RPRD1A: variants seen among roughly 807,000 people sequenced by gnomAD.
RPRD1A encodes regulation of nuclear pre-mRNA domain containing 1A.
A neutral mutation model predicts 37.8 loss-of-function variants in RPRD1A; 9 were observed. The ratio of observed to expected loss-of-function variants is 0.24; its 90% CI spans 0.14 to 0.42. RPRD1A has a LOEUF of 0.42. RPRD1A is among the 10% of genes least tolerant of loss of function. The pLI is 1.00. For synonymous variants in RPRD1A, 138 were observed against 139.7 expected (o/e 0.99, Z 0.08); for missense variants, 255 against 371.0 (o/e 0.69, Z 2.57).
At chr18:36,057,222 A>C (rs530096857) in intron 1 of RPRD1A, among the ~76,000 whole-genome samples, 3 of 151,990 alleles carry the variant, frequency 2.0e-5, no homozygotes, top group Non-Finnish European at 4.4e-5. Context: ...TCTCTCAAAA[A>C]ACAAGAACAA....
intron 1 of RPRD1A, among the ~76,000 whole-genome samples, chr18:36,054,497 A>G (rs1913625524): frequency 1.3e-5 from 2 of 152,280 alleles, no homozygotes; most frequent in Admixed American, 1.3e-4. Context: ...TCTCAAAATA[A>G]GTAAGTAAGT....
chr18:35,993,438 C>A (rs1908833237), intron 6 of RPRD1A, 138 bp from the exon 7 acceptor site: 1 of 767,814 alleles, frequency 1.3e-6, no homozygotes, highest in Non-Finnish European at 2.0e-6. Context: ...TGAGTTTTCA[C>A]ATCAAAAGAT....
At chr18:35,999,600 ATGC>A (rs1909294734) in intron 6 of RPRD1A, among the ~76,000 whole-genome samples, 2 of 152,108 alleles carry the variant, frequency 1.3e-5, no homozygotes, top group African/African-American at 4.8e-5. Context: ...TTTCTTGCAG[ATGC>A]TGCTAATAAT....
At chr18:36,028,062 T>C (rs1285339675) in intron 4 of RPRD1A, 2 of 152,106 alleles carry the variant, frequency 1.3e-5, no homozygotes, top group Admixed American at 6.5e-5. Context: ...TATAAAGTTA[T>C]TCCAAAGAAA....
intron 2 of RPRD1A, 26 bp from the exon 3 acceptor site, chr18:36,031,123 GA>G: frequency 6.8e-7 from 1 of 1,472,486 alleles, no homozygotes; most frequent in East Asian, 2.5e-5. Context: ...AAGAAAAAAA[GA>G]AAAATGTTAA....
chr18:36,015,235 C>CA (rs1402772504), intron 6 of RPRD1A, among the ~76,000 whole-genome samples: 1 of 139,108 alleles, frequency 7.2e-6, no homozygotes, highest in African/African-American at 2.7e-5. Context: ...TTTTTTGAGA[C>CA]AGAGTCCCAC....
intron 1 of RPRD1A, among the ~76,000 whole-genome samples, chr18:36,034,687 G>A (rs564547764): frequency 6.6e-6 from 1 of 152,292 alleles, no homozygotes; most frequent in East Asian, 1.9e-4. Context: ...GGCATCCATA[G>A]TACAGTGGTG....
intron 6 of RPRD1A, among the ~76,000 whole-genome samples, chr18:36,015,314 G>A (rs1910475144): frequency 6.6e-6 from 1 of 151,402 alleles, no homozygotes; most frequent in South Asian, 2.1e-4. Context: ...CCGGGTTCAA[G>A]TGATTCTCCT....
At chr18:36,042,837 GT>G (rs890757638) in intron 1 of RPRD1A, among the ~76,000 whole-genome samples, 8 of 151,656 alleles carry the variant, frequency 5.3e-5, no homozygotes, top group Non-Finnish European at 1.2e-4. Flanking sequence ...GACACTGGTG[GT>G]TAAATCATAA....
At chr18:36,015,459 C>A (rs1910488073) in intron 6 of RPRD1A, among the ~76,000 whole-genome samples, 1 of 152,134 alleles carries the variant, frequency 6.6e-6, no homozygotes, top group South Asian at 2.1e-4. Context: ...ATAATCCACC[C>A]ACAAAGTACT....
At chr18:36,029,816 T>C (rs1330913631) in intron 4 of RPRD1A, among the ~76,000 whole-genome samples, 2 of 151,924 alleles carry the variant, frequency 1.3e-5, no homozygotes, top group East Asian at 3.9e-4. Context: ...ACTACTTTTT[T>C]TTTTTTTGAG....
intron 1 of RPRD1A, among the ~76,000 whole-genome samples, chr18:36,053,122 A>G (rs982872710): frequency 6.6e-6 from 1 of 152,204 alleles, no homozygotes; most frequent in Non-Finnish European, 1.5e-5. Flanking sequence ...GAAAAAGTAT[A>G]TAAAAGCACA....
At chr18:36,030,935 G>T (rs1323823589) in intron 3 of RPRD1A, 30 bp from the exon 4 acceptor site, 1 of 1,599,054 alleles carries the variant, frequency 6.3e-7, no homozygotes, top group Non-Finnish European at 8.5e-7. Context: ...AAGTATTAAT[G>T]AAAGAATACA....
chr18:36,052,179 C>T (rs1043513798), intron 1 of RPRD1A, among the ~76,000 whole-genome samples: 3 of 139,458 alleles, frequency 2.2e-5, no homozygotes, highest in Middle Eastern at 4.0e-3. Context: ...AAACTGTCAA[C>T]CAAGATTTTA....
chr18:36,056,774 C>G (rs1216252173), intron 1 of RPRD1A, among the ~76,000 whole-genome samples: 3 of 151,864 alleles, frequency 2.0e-5, no homozygotes, highest in Admixed American at 2.0e-4. Flanking sequence ...GAACAGGCAC[C>G]TTAGAACAGC....
intron 6 of RPRD1A, among the ~76,000 whole-genome samples, chr18:35,997,685 C>T (rs1276168059): frequency 6.6e-6 from 1 of 152,182 alleles, no homozygotes. Flanking sequence ...CTCTTCTTTC[C>T]ATCTTACCCA....
intron 6 of RPRD1A, among the ~76,000 whole-genome samples, chr18:36,023,901 A>G (rs1290077848): frequency 6.6e-6 from 1 of 152,258 alleles, no homozygotes; most frequent in Non-Finnish European, 1.5e-5. Context: ...TGTAATTGTA[A>G]TACTTAGACA....
chr18:36,046,808 C>T lies in RPRD1A; in HGVS notation c.152-12971G>A, dbSNP rs1486692374. Among the ~76,000 whole-genome samples the T allele has an allele frequency of 1.3e-5, 2 of 151,174 alleles. 1 individual carries two copies. The highest frequency in any genetic ancestry group is 4.9e-5 in the African/African-American group (2 of 41,094). On this transcript the variant is annotated intron_variant, in intron 1 of 6. Transcript: ENST00000399022. Reference sequence around the variant, plus strand: ...CACGATGGTGCCACCGCACTTCAGCCTGGGTGACAGTGAGAGCCCATCTGA... The same window carrying T: ...CACGATGGTGCCACCGCACTTCAGCTTGGGTGACAGTGAGAGCCCATCTGA...
chr18:36,030,975 A>C lies in RPRD1A; in HGVS notation c.388+16T>G, dbSNP rs1458738684. The C allele has an allele frequency of 1.3e-6, 2 of 1,594,906 alleles. No individual in the cohort carries two copies. The highest frequency in any genetic ancestry group is 2.7e-5 in the African/African-American group (2 of 73,846). ...AATGAAGAGATCAAGGTAAGAGATC[A>C]GGATTCTACACTTACACAGAGCTTG... is the stretch of plus-strand genomic sequence containing the variant. On this transcript the variant is annotated intron_variant, in intron 3 of 6. Transcript: ENST00000399022.
Sources: allele counts gnomAD v4.1 joint callset (sites outside exome capture counted in the v4.1 genomes callset), GRCh38; gene constraint gnomAD v4.1.1; transcripts MANE v1.5; gene names NCBI Gene and HGNC (gene_info 2026-07-23, HGNC 2026-07-21).